The following ZNF585A variants were observed in gnomAD, a reference collection of about 807,000 sequenced individuals.
ZNF585A encodes the protein zinc finger protein 585A.
Under a neutral mutation model 14.9 loss-of-function variants are expected in ZNF585A, and 9 were observed. That is an observed-to-expected ratio of 0.60 (90% confidence interval 0.36 to 1.05). The LOEUF is 1.05. ZNF585A is among the 50% of genes least tolerant of loss of function. The probability of loss-of-function intolerance (pLI) is 0.01; values close to 1 mark genes in which losing one functional copy is unlikely to be tolerated. For synonymous variants in ZNF585A, 276 were observed against 319.9 expected (o/e 0.86, Z 1.46); for missense variants, 726 against 926.4 (o/e 0.78, Z 2.81).
chr19:37,166,834 C>G (rs1234553920), intron 2 of ZNF585A, among the ~76,000 whole-genome samples: 1 of 151,592 alleles, frequency 6.6e-6, no homozygotes, highest in Non-Finnish European at 1.5e-5. Context: ...AGCACATAAA[C>G]TTACTTTATT....
chr19:37,153,459 A>G lies in ZNF585A; in HGVS notation c.440T>C (p.Val147Ala). ...TTCTCCTGCAAGAACTTTCAGGTGT[A>G]CTTTGAGCTGTGACTTCTGGGTGAA... ...KIFTQKSQLK[V>A]HLKVLAGEKL... is the part of the protein sequence containing the mutation. The change falls in exon 5 of 5, where the codon GTA becomes GCA. Residue 147 changes from valine to alanine, a missense_variant. Physicochemically the swap from Val to Ala is moderately conservative, Grantham distance 64. Around this residue, in one of 2 missense-constraint regions of ZNF585A, gnomAD observed 483 missense variants for 542.8 expected, o/e 0.89. Transcript: ENST00000292841. 1.2e-6 allele frequency: 2 copies of G among 1,614,184 alleles called. No individual in the cohort carries two copies. The highest frequency in any genetic ancestry group is 1.7e-6 in the Non-Finnish European group (2 of 1,180,018).
intron 2 of ZNF585A, among the ~76,000 whole-genome samples, chr19:37,167,588 A>G (rs1488711311): frequency 7.3e-6 from 1 of 137,452 alleles, no homozygotes; most frequent in Non-Finnish European, 1.5e-5. Context: ...TTTACTTTTT[A>G]TTTTTATTTT....
intron 2 of ZNF585A, among the ~76,000 whole-genome samples, chr19:37,157,501 G>T (rs963456091): frequency 6.6e-6 from 1 of 152,166 alleles, no homozygotes; most frequent in African/African-American, 2.4e-5. Flanking sequence ...GATGCCTTAT[G>T]GTGGAACACA....
chr19:37,156,408 A>G, intron 2 of ZNF585A, 53 bp from the exon 3 acceptor site: 1 of 1,594,846 alleles, frequency 6.3e-7, no homozygotes, highest in Non-Finnish European at 8.5e-7. Flanking sequence ...AGGGTTGGAG[A>G]GACTATATTT....
At position 37,165,935 on chromosome 19, in the gene ZNF585A, TA is replaced by T. The variant is rs529326300; in HGVS notation, c.72+3903del. ...TTTTATCCTTTTATTTATACTTTCA[TA>T]TTTTTGGCATGATTTTGTATAATAT... is the stretch of plus-strand genomic sequence containing the variant. On this transcript the variant is annotated intron_variant, in intron 2 of 4. Coordinates refer to ENST00000292841, the MANE Select transcript of ZNF585A (RefSeq NM_001288800.2). Among the ~76,000 whole-genome samples, 12 of 152,344 alleles carry T rather than the reference TA, an allele frequency of 7.9e-5. No individual in the cohort carries two copies. In the South Asian group the frequency reaches 1.9e-3, roughly 24 times the overall value.
intron 2 of ZNF585A, among the ~76,000 whole-genome samples, chr19:37,159,882 TAC>T (rs1971987527): frequency 1.3e-5 from 2 of 152,142 alleles, no homozygotes; most frequent in Non-Finnish European, 2.9e-5. Flanking sequence ...ATATTTAAAA[TAC>T]ACAGAGTTCT....
At chr19:37,158,964 T>A (rs111827672) in intron 2 of ZNF585A, among the ~76,000 whole-genome samples, 36,300 of 151,946 alleles carry the variant, frequency 0.24, 5,018 homozygotes, top group Non-Finnish European at 0.32. Context: ...AATGGCAGAA[T>A]GGGCCAGGTG....
chr19:37,166,466 C>T (rs958831159), intron 2 of ZNF585A, among the ~76,000 whole-genome samples: 6 of 151,894 alleles, frequency 4.0e-5, no homozygotes, highest in South Asian at 4.1e-4. Context: ...ACTACAGGTG[C>T]GCACCACCAC....
At chr19:37,167,674 T>C (rs1972118497) in intron 2 of ZNF585A, among the ~76,000 whole-genome samples, 1 of 151,726 alleles carries the variant, frequency 6.6e-6, no homozygotes, top group Admixed American at 6.6e-5. Flanking sequence ...CAGCCTGGAG[T>C]ACAATGGCAC....
At chr19:37,169,435 T>TAAAAAAAAAAAAAAAAGA (rs1790691522) in intron 2 of ZNF585A, among the ~76,000 whole-genome samples, 1 of 96,450 alleles carries the variant, frequency 1.0e-5, no homozygotes, top group Non-Finnish European at 2.2e-5. Context: ...AACAGAAATG[T>TAAAAAAAAAAAAAAAAGA]AAAAAAAAAA....
Position 37,165,675 on chromosome 19 carries a change from C to A in ZNF585A, c.72+4164G>T, listed in dbSNP as rs568490613. 85 of 984,494 alleles carry A rather than the reference C, an allele frequency of 8.6e-5. No homozygotes were observed. The African/African-American group carries it at 1.4e-3, about 17-fold the overall frequency. 61.0% of individuals were successfully genotyped at this position (984,494 alleles called of 1,614,324 possible). ...GAATCTATCTTCATAATTTCCAGTT[C>A]TTTCAGGCATCAAGGTTAACACTGT... On this transcript the variant is annotated intron_variant, in intron 2 of 4. Transcript: ENST00000292841.
intron 2 of ZNF585A, among the ~76,000 whole-genome samples, chr19:37,157,037 A>G (rs1030398053): frequency 6.6e-6 from 1 of 152,216 alleles, no homozygotes; most frequent in African/African-American, 2.4e-5. Flanking sequence ...TGTAAAACGT[A>G]TCAACCTTTT....
chr19:37,162,059 G>C (rs1244778654), intron 2 of ZNF585A, among the ~76,000 whole-genome samples: 1 of 152,134 alleles, frequency 6.6e-6, no homozygotes, highest in Non-Finnish European at 1.5e-5. Context: ...AAGTAGCTGG[G>C]ACTACAGGCA....
rs573111834 is a variant in ZNF585A at position 37,167,089 on chromosome 19, C to A, written c.72+2750G>T. 5.9e-5 allele frequency among the ~76,000 whole-genome samples: 9 copies of A among 152,264 alleles called. No individual in the cohort carries two copies. In the South Asian group the frequency reaches 1.7e-3, roughly 28 times the overall value. On this transcript the variant is annotated intron_variant, in intron 2 of 4. Transcript: ENST00000292841. ...GCTCAAGCAATCCACCCACTTCAGCCTCCCAAAGTGCTGGGATTACAGGCA... is the reference window on the plus strand; with the variant it reads ...GCTCAAGCAATCCACCCACTTCAGCATCCCAAAGTGCTGGGATTACAGGCA...
In ZNF585A at chr19:37,150,351, TA is replaced by T. The variant is rs1971807746; in HGVS notation, c.*1237del. ...TAAGGAGGATCACAAGACATCCTGC[TA>T]GAGGTGTAATAAAAGTATCAGGAGA... On this transcript the variant is annotated 3_prime_UTR_variant, in exon 5 of 5. Coordinates refer to ENST00000292841, the MANE Select transcript of ZNF585A (RefSeq NM_001288800.2). 6.6e-6 allele frequency: 1 copy of T among 152,180 alleles called. No homozygotes were observed. The highest frequency in any genetic ancestry group is 2.4e-5 in the African/African-American group (1 of 41,446). 9.4% of individuals were successfully genotyped at this position (152,180 alleles called of 1,614,324 possible). A position where few individuals can be genotyped will look rare whatever the true frequency, so the allele number is the denominator to read the frequency against.
intron 2 of ZNF585A, among the ~76,000 whole-genome samples, chr19:37,159,499 C>A (rs990312313): frequency 6.6e-5 from 10 of 152,074 alleles, no homozygotes; most frequent in African/African-American, 2.2e-4. Context: ...ATGCTAGGGA[C>A]TTGAATACCC....
intron 1 of ZNF585A, among the ~76,000 whole-genome samples, chr19:37,170,516 G>A (rs1972165918): frequency 1.3e-5 from 2 of 152,190 alleles, no homozygotes; most frequent in South Asian, 2.1e-4. Context: ...ACGGAGTCTC[G>A]CTCTGTCGCC....
intron 4 of ZNF585A, among the ~76,000 whole-genome samples, chr19:37,155,277 C>T (rs541441065): frequency 2.6e-5 from 4 of 151,664 alleles, no homozygotes; most frequent in South Asian, 2.1e-4. Context: ...TGTGAGCCAC[C>T]GCGCCCGGCC....
In ZNF585A at chr19:37,147,946, C is replaced by A. The variant is rs1040724983; in HGVS notation, c.*3643G>T. 8 of 152,064 alleles carry A rather than the reference C, an allele frequency of 5.3e-5. No homozygotes were observed. The highest frequency in any genetic ancestry group is 1.9e-4 in the African/African-American group (8 of 41,394). The allele number at this position is 152,064 out of a possible 1,614,324, so 9.4% of individuals were successfully genotyped here. ...CCACTGATGTACATTTGTGTTACTTCCTAATTTGGGCAATTATACAATTGC... is the reference window on the plus strand; with the variant it reads ...CCACTGATGTACATTTGTGTTACTTACTAATTTGGGCAATTATACAATTGC... On this transcript the variant is annotated 3_prime_UTR_variant, in exon 5 of 5. Transcript: ENST00000292841.
Sources: gnomAD v4.1 joint callset for allele counts (sites outside exome capture counted in the v4.1 genomes callset) on GRCh38, gnomAD v4.1.1 for gene constraint, gnomAD v4.1.1 regional missense constraint, MANE v1.5 for transcripts, NCBI Gene and HGNC (gene_info 2026-07-23, HGNC 2026-07-21) for gene names.